The following COG5 variants were observed in gnomAD, a reference collection of about 807,000 sequenced individuals.
The protein encoded by COG5 is component of oligomeric golgi complex 5.
A neutral mutation model predicts 110.4 loss-of-function variants in COG5; 86 were observed. The ratio of observed to expected loss-of-function variants is 0.78; its 90% CI spans 0.65 to 0.93. The LOEUF is 0.93. Among genes scored for constraint, COG5 ranks in the 40% least tolerant of loss-of-function variants. COG5 has a pLI of 0.00. For synonymous variants in COG5, 360 were observed against 334.6 expected (o/e 1.08, Z -0.83); for missense variants, 1,077 against 987.0 (o/e 1.09, Z -1.22).
At chr7:107,467,245 C>T (rs189564564) in intron 6 of COG5, among the ~76,000 whole-genome samples, 105 of 152,220 alleles carry the variant, frequency 6.9e-4, no homozygotes, top group African/African-American at 2.5e-3. Context: ...AGTCAAACTG[C>T]TCTCCTAGGT....
chr7:107,474,931 A>G lies in COG5; in HGVS notation c.538+52306T>C. ...TGGTGTAAGAACTTCAGTTTCTGTA[A>G]TAATTGCCCTCCGGCGAGCTGTGAA... On this transcript the variant is annotated intron_variant, in intron 6 of 21. Transcript: ENST00000297135. The surrounding 1 kb of genome is among the most constrained non-coding windows in gnomAD (Gnocchi z 5.7). 3 of 1,613,010 alleles carry G rather than the reference A, an allele frequency of 1.9e-6. No homozygotes were observed. The highest frequency in any genetic ancestry group is 1.1e-5 in the South Asian group (1 of 90,968).
intron 11 of COG5, among the ~76,000 whole-genome samples, chr7:107,319,893 C>T (rs1482673646): frequency 6.6e-6 from 1 of 152,090 alleles, no homozygotes; most frequent in African/African-American, 2.4e-5. Flanking sequence ...GCCAGGAGTT[C>T]AAGGCTGTAG....
chr7:107,510,257 G>T (rs1390945739), intron 6 of COG5, among the ~76,000 whole-genome samples: 1 of 152,022 alleles, frequency 6.6e-6, no homozygotes, highest in Admixed American at 6.6e-5. Flanking sequence ...CCTAGTCTCT[G>T]ATAAAACAGA....
chr7:107,375,271 T>C (rs745760361), intron 7 of COG5, among the ~76,000 whole-genome samples: 47 of 152,094 alleles, frequency 3.1e-4, no homozygotes, highest in Non-Finnish European at 5.9e-5. Context: ...CATCCTACTG[T>C]TGATAAATAA....
chr7:107,530,418 A>C (rs1183722384), intron 5 of COG5, among the ~76,000 whole-genome samples: 1 of 152,132 alleles, frequency 6.6e-6, no homozygotes, highest in African/African-American at 2.4e-5. Context: ...CCTGACCAAC[A>C]TGGAGAAACC....
chr7:107,521,602 C>A (rs1800321980), intron 6 of COG5, among the ~76,000 whole-genome samples: 1 of 151,742 alleles, frequency 6.6e-6, no homozygotes, highest in Non-Finnish European at 1.5e-5. Flanking sequence ...CCACCTCACG[C>A]CAATGGCAAT....
chr7:107,258,676 G>T (rs1803079454), intron 14 of COG5: 1 of 395,530 alleles, frequency 2.5e-6, no homozygotes, highest in African/African-American at 2.0e-5. Context: ...GGACTCTTGA[G>T]GCAGGTGTGA....
chr7:107,338,951 CA>C (rs1810946358), intron 10 of COG5, among the ~76,000 whole-genome samples: 1 of 152,044 alleles, frequency 6.6e-6, no homozygotes, highest in South Asian at 2.1e-4. Context: ...ACACATCCTA[CA>C]AATCATCCAC....
chr7:107,280,171 A>G (rs1282962244), intron 14 of COG5, among the ~76,000 whole-genome samples: 1 of 152,126 alleles, frequency 6.6e-6, no homozygotes, highest in African/African-American at 2.4e-5. Flanking sequence ...AAAAATTAGT[A>G]ATCTAAATTC....
intron 12 of COG5, among the ~76,000 whole-genome samples, chr7:107,295,095 A>ATATG: frequency 1.3e-5 from 1 of 75,842 alleles, no homozygotes; most frequent in South Asian, 5.1e-4. Flanking sequence ...ATATATATAT[A>ATATG]TATATATTTT....
At chr7:107,291,682 C>T (rs1806187825) in intron 12 of COG5, among the ~76,000 whole-genome samples, 1 of 152,146 alleles carries the variant, frequency 6.6e-6, no homozygotes. Flanking sequence ...TGCCTTGAGG[C>T]AAAAACTCCT....
At chr7:107,259,129 T>C (rs1437497402) in intron 14 of COG5, among the ~76,000 whole-genome samples, 4 of 151,526 alleles carry the variant, frequency 2.6e-5, no homozygotes, top group Non-Finnish European at 5.9e-5. Context: ...TTAACTGTCA[T>C]GGTTCAAATT....
intron 16 of COG5, among the ~76,000 whole-genome samples, chr7:107,250,977 A>T (rs773082832): frequency 9.2e-5 from 14 of 152,016 alleles, no homozygotes; most frequent in Non-Finnish European, 1.9e-4. Flanking sequence ...CTCGGCAGGG[A>T]AAAAGGCCTC....
At chr7:107,330,459 G>C (rs1330795036) in intron 10 of COG5, among the ~76,000 whole-genome samples, 1 of 152,168 alleles carries the variant, frequency 6.6e-6, no homozygotes, top group African/African-American at 2.4e-5. Flanking sequence ...TGTATACAGA[G>C]AAACTTAGAA....
chr7:107,477,089 T>C (rs1797039197), intron 6 of COG5, among the ~76,000 whole-genome samples: 1 of 151,658 alleles, frequency 6.6e-6, no homozygotes, highest in African/African-American at 2.4e-5. Flanking sequence ...AAGTAAGATA[T>C]TTTTTGAAAC....
chr7:107,236,751 C>T, intron 17 of COG5, 64 bp from the exon 18 acceptor site: 5 of 1,010,366 alleles, frequency 4.9e-6, no homozygotes, highest in Non-Finnish European at 7.9e-6. Context: ...TGATTTTGTA[C>T]CCCTCTCCCC....
chr7:107,474,324 T>C lies in COG5; in HGVS notation c.538+52913A>G. ...TTACAATGAATCTTCATGTACTTGA[T>C]GTAATAATTTGTGTGGGATGTATTC... is the stretch of plus-strand genomic sequence containing the variant. On this transcript the variant is annotated intron_variant, in intron 6 of 21. Transcript: ENST00000297135. This position sits in a 1 kb window ranked among gnomAD's most constrained non-coding sequence, Gnocchi z 5.7. The C allele has an allele frequency of 6.2e-7, 1 of 1,611,302 alleles. No individual in the cohort carries two copies. Among genetic ancestry groups the C allele is most frequent in the South Asian group, 1.1e-5 (1 of 91,002 alleles).
intron 6 of COG5, among the ~76,000 whole-genome samples, chr7:107,485,852 T>C (rs554869808): frequency 1.4e-4 from 22 of 152,064 alleles, no homozygotes; most frequent in African/African-American, 4.1e-4. Flanking sequence ...TAAAGAGCAA[T>C]TGGGCTCAAA....
At position 107,434,949 on chromosome 7, in the gene COG5, G is replaced by T. The variant is rs7798364; in HGVS notation, c.539-22317C>A. Among the ~76,000 whole-genome samples, 6 of 150,534 alleles carry T rather than the reference G, an allele frequency of 4.0e-5. No homozygotes were observed. In the East Asian group the frequency reaches 1.2e-3, roughly 29 times the overall value. On this transcript the variant is annotated intron_variant, in intron 6 of 21. Transcript: ENST00000297135. ...CATGCCACTGCACTCCAACCTGGACGACAGAGCGAGACTCCGTCTTAAAAA... is the reference window on the plus strand; with the variant it reads ...CATGCCACTGCACTCCAACCTGGACTACAGAGCGAGACTCCGTCTTAAAAA...
Sources: allele counts gnomAD v4.1 joint callset (sites outside exome capture counted in the v4.1 genomes callset), GRCh38; gene constraint gnomAD v4.1.1; non-coding constraint Gnocchi (gnomAD v3.1); transcripts MANE v1.5; gene names NCBI Gene and HGNC (gene_info 2026-07-23, HGNC 2026-07-21).